Variants in MLIP observed in about 807,000 individuals in gnomAD.
The protein encoded by MLIP is muscular LMNA interacting protein.
Under a neutral mutation model 84.8 loss-of-function variants are expected in MLIP, and 79 were observed. The observed-to-expected ratio is 0.93, with a 90% CI of 0.78 to 1.12. MLIP has a LOEUF of 1.12. Among genes scored for constraint, MLIP ranks in the 50% most tolerant of loss-of-function variants. MLIP has a pLI of 0.00. For missense variants in MLIP, 1,257 were observed against 1,160.6 expected (o/e 1.08, Z -1.21); for synonymous variants, 504 against 463.0 (o/e 1.09, Z -1.14).
intron 10 of MLIP, among the ~76,000 whole-genome samples, chr6:54,190,685 T>A (rs1032504796): frequency 6.6e-6 from 1 of 152,272 alleles, no homozygotes; most frequent in East Asian, 1.9e-4. Flanking sequence ...AAAATTTGAT[T>A]AAATGAGAGA....
chr6:54,205,033 A>G (rs1778942076), intron 11 of MLIP, among the ~76,000 whole-genome samples: 1 of 152,216 alleles, frequency 6.6e-6, no homozygotes. Flanking sequence ...AAGATAAGAT[A>G]GAACCTTGGG....
chr6:54,101,954 C>A (rs1768682863), intron 1 of MLIP, among the ~76,000 whole-genome samples: 1 of 152,108 alleles, frequency 6.6e-6, no homozygotes, highest in Non-Finnish European at 1.5e-5. Flanking sequence ...GAAAAGTATT[C>A]CTCCGAGTGT....
exon 1 of MLIP, chr6:54,018,980 T>A (rs772405590): frequency 6.7e-7 from 1 of 1,501,908 alleles, no homozygotes. Context: ...AGACAGAATC[T>A]GAACCTCTGT....
intron 9 of MLIP, among the ~76,000 whole-genome samples, chr6:54,171,560 A>G (rs1456686527): frequency 6.6e-6 from 1 of 151,590 alleles, no homozygotes; most frequent in Non-Finnish European, 1.5e-5. Flanking sequence ...TAGTTATTAC[A>G]ATTTACTAAG....
intron 4 of MLIP, among the ~76,000 whole-genome samples, chr6:54,140,608 A>C (rs1043244529): frequency 6.6e-6 from 1 of 152,188 alleles, no homozygotes; most frequent in Admixed American, 6.5e-5. Flanking sequence ...AGACAATGCT[A>C]TTCTTTTTCA....
At chr6:54,207,822 T>A (rs1779142218) in intron 11 of MLIP, among the ~76,000 whole-genome samples, 1 of 152,244 alleles carries the variant, frequency 6.6e-6, no homozygotes, top group African/African-American at 2.4e-5. Context: ...CTGCCATATT[T>A]AGAACCTCTC....
At chr6:54,260,703 G>A (rs752991586) in intron 13 of MLIP, among the ~76,000 whole-genome samples, 47 of 151,944 alleles carry the variant, frequency 3.1e-4, no homozygotes, top group Non-Finnish European at 5.7e-4. Flanking sequence ...AATAACATGT[G>A]CTTTAATTTG....
rs1771890618 is a variant in MLIP at position 54,137,270 on chromosome 6, C to G, written c.1201C>G (p.Leu401Val). 1.3e-6 allele frequency: 2 copies of G among 1,536,082 alleles called. No homozygotes were observed. The highest frequency in any genetic ancestry group is 2.4e-5 in the South Asian group (2 of 84,048). Residue 401 changes from leucine to valine, a missense_variant, in exon 4 of 14, where the codon CTT becomes GTT. Physicochemically the swap from Leu to Val is conservative, Grantham distance 32 (BLOSUM62 1). Transcript: ENST00000502396. Reference protein sequence around the residue: ...ICSQMSSSGNLSKSGVKSPVP... With the variant: ...ICSQMSSSGNVSKSGVKSPVP... ...CAGCCAAATGTCATCTAGTGGAAAT[C>G]TTTCAAAGTCAGGGGTAAAATCCCC... is the stretch of plus-strand genomic sequence containing the variant.
chr6:54,115,088 T>C (rs1769793490), intron 1 of MLIP, among the ~76,000 whole-genome samples: 1 of 152,138 alleles, frequency 6.6e-6, no homozygotes, highest in South Asian at 2.1e-4. Context: ...GAAGAGTGAA[T>C]GGGCTATGGA....
At chr6:54,147,418 G>T (rs1473448464) in intron 4 of MLIP, among the ~76,000 whole-genome samples, 1 of 152,110 alleles carries the variant, frequency 6.6e-6, no homozygotes, top group Non-Finnish European at 1.5e-5. Context: ...ATATCTTGTT[G>T]TCTAGAGACC....
chr6:54,202,278 A>C, intron 11 of MLIP, 45 bp downstream of exon 11: 1 of 856,638 alleles, frequency 1.2e-6, no homozygotes, highest in Non-Finnish European at 1.5e-6. Context: ...GATAAATATA[A>C]ATATATATAA....
intron 1 of MLIP, among the ~76,000 whole-genome samples, chr6:54,028,273 AC>A (rs1438677735): frequency 6.6e-6 from 1 of 151,908 alleles, no homozygotes; most frequent in African/African-American, 2.4e-5. Flanking sequence ...CTGGGAAGAC[AC>A]CCCCCTCCAC....
At chr6:54,108,659 C>T (rs916138333), upstream of MLIP, among the ~76,000 whole-genome samples, 2 of 151,948 alleles carry the variant, frequency 1.3e-5, no homozygotes, top group Non-Finnish European at 2.9e-5. Context: ...GGAAAGTTAC[C>T]AATAAGACAC....
intron 1 of MLIP, among the ~76,000 whole-genome samples, chr6:54,102,363 G>A (rs368122474): frequency 4.7e-4 from 71 of 152,254 alleles, no homozygotes; most frequent in African/African-American, 1.7e-3. Context: ...AGTGGGTTAA[G>A]TGTTTGAGGT....
chr6:54,210,149 A>ACCTCG (rs1779335533), intron 11 of MLIP, among the ~76,000 whole-genome samples: 1 of 152,298 alleles, frequency 6.6e-6, no homozygotes, highest in Non-Finnish European at 1.5e-5. Flanking sequence ...ACCGCACCGC[A>ACCTCG]CCGCACCGCA....
chr6:54,142,509 T>C (rs1561976753), intron 4 of MLIP, among the ~76,000 whole-genome samples: 1 of 152,146 alleles, frequency 6.6e-6, no homozygotes, highest in Non-Finnish European at 1.5e-5. Context: ...CAGAGAGTGC[T>C]TGACAGGTAC....
intron 1 of MLIP, among the ~76,000 whole-genome samples, chr6:54,090,878 T>G (rs1340436748): frequency 6.6e-6 from 1 of 152,180 alleles, no homozygotes; most frequent in East Asian, 1.9e-4. Flanking sequence ...AAAGTGACTT[T>G]GTTAATGAAT....
chr6:54,107,895 A>C (rs1403849506), upstream of MLIP, among the ~76,000 whole-genome samples: 1 of 152,214 alleles, frequency 6.6e-6, no homozygotes, highest in Non-Finnish European at 1.5e-5. Flanking sequence ...TGGATGTCTG[A>C]ATAGCCTTGG....
chr6:54,130,505 C>A (rs188512280), intron 3 of MLIP, among the ~76,000 whole-genome samples: 124 of 152,162 alleles, frequency 8.1e-4, no homozygotes, highest in African/African-American at 2.9e-3. Flanking sequence ...ACTATGTTTC[C>A]GCTTCTGCAT....
Sources: allele counts gnomAD v4.1 joint callset (sites outside exome capture counted in the v4.1 genomes callset), GRCh38; gene constraint gnomAD v4.1.1; transcripts MANE v1.5; gene names NCBI Gene and HGNC (gene_info 2026-07-23, HGNC 2026-07-21).